The following SLC44A5 variants were observed in gnomAD, a reference collection of about 807,000 sequenced individuals.
The protein encoded by SLC44A5 is choline transporter-like protein 5.
A neutral mutation model predicts 101.8 loss-of-function variants in SLC44A5; 57 were observed. The ratio of observed to expected loss-of-function variants is 0.56; its 90% CI spans 0.45 to 0.70. The LOEUF (loss-of-function observed/expected upper bound fraction) is 0.70, where lower values mean the gene tolerates loss of function less well. Ranked by LOEUF, SLC44A5 falls within the 30% of genes least tolerant of loss-of-function variation. The pLI, the probability that SLC44A5 is intolerant of heterozygous loss-of-function variation, is 0.00. For synonymous variants in SLC44A5, 281 were observed against 290.9 expected, an observed-to-expected ratio of 0.97 and a Z score of 0.35; for missense variants, 737 against 853.1, an observed-to-expected ratio of 0.86 and a Z score of 1.70.
chr1:75,281,667 G>A (rs1306033123), intron 5 of SLC44A5, among the ~76,000 whole-genome samples: 1 of 113,398 alleles, frequency 8.8e-6, no homozygotes, highest in Non-Finnish European at 1.8e-5. Context: ...ATTTAGCCTA[G>A]GGACTTGGTG....
At chr1:75,398,483 T>C in intron 2 of SLC44A5, 1 of 687,674 alleles carries the variant, frequency 1.5e-6, no homozygotes, top group Non-Finnish European at 1.8e-6. Context: ...ACAGATGAAG[T>C]TAAATCCTCT....
intron 3 of SLC44A5, among the ~76,000 whole-genome samples, chr1:75,358,997 C>T (rs1178532258): frequency 1.3e-5 from 2 of 152,014 alleles, no homozygotes; most frequent in African/African-American, 2.4e-5. Context: ...CCTTCCCTCC[C>T]CTCCCCCTGC....
intron 2 of SLC44A5, among the ~76,000 whole-genome samples, chr1:75,442,967 C>T (rs771430768): frequency 5.9e-5 from 9 of 152,080 alleles, no homozygotes; most frequent in Non-Finnish European, 1.3e-4. Context: ...TTCTAAATAA[C>T]TCATGGGCCA....
At chr1:75,704,134 A>G in the SLC44A5 span, among the ~76,000 whole-genome samples, 1 of 152,202 alleles carries the variant, frequency 6.6e-6, no homozygotes, top group African/African-American at 2.4e-5. Flanking sequence ...TAAACCAAGT[A>G]TATCTCAAAA....
chr1:75,273,070 T>C (rs184705117), intron 6 of SLC44A5, among the ~76,000 whole-genome samples: 2 of 151,452 alleles, frequency 1.3e-5, no homozygotes, highest in African/African-American at 2.4e-5. Context: ...CAGTGTTTCG[T>C]AGTTTTCCTT....
At chr1:75,390,778 T>C (rs1318008253) in intron 3 of SLC44A5, among the ~76,000 whole-genome samples, 1 of 152,140 alleles carries the variant, frequency 6.6e-6, no homozygotes, top group Non-Finnish European at 1.5e-5. Flanking sequence ...CTTGAGGAAC[T>C]AGAACAAGAC....
intron 1 of SLC44A5, among the ~76,000 whole-genome samples, chr1:75,608,861 A>T (rs1675483405): frequency 6.6e-6 from 1 of 151,856 alleles, no homozygotes; most frequent in African/African-American, 2.4e-5. Context: ...TCATCCCATG[A>T]TTAGCAATCC....
chr1:75,606,616 C>T (rs1418430599), intron 1 of SLC44A5, among the ~76,000 whole-genome samples: 2 of 151,592 alleles, frequency 1.3e-5, no homozygotes, highest in Non-Finnish European at 2.9e-5. Flanking sequence ...CTTTAATTTT[C>T]CTCCTCTTCA....
At chr1:75,569,736 G>C (rs1188758452) in intron 1 of SLC44A5, among the ~76,000 whole-genome samples, 1 of 152,174 alleles carries the variant, frequency 6.6e-6, no homozygotes, top group Non-Finnish European at 1.5e-5. Flanking sequence ...GAAGTACTTA[G>C]TTGTCTGCTC....
intron 2 of SLC44A5, among the ~76,000 whole-genome samples, chr1:75,435,709 CAAACTT>C (rs1371616659): frequency 5.3e-5 from 8 of 152,238 alleles, no homozygotes; most frequent in Admixed American, 4.6e-4. Context: ...ACCCAAGACT[CAAACTT>C]AAGATTGTAA....
chr1:75,219,243 T>C lies in SLC44A5; in HGVS notation c.1266+14A>G. The C allele has an allele frequency of 6.4e-7, 1 of 1,560,744 alleles. No homozygotes were observed. Among genetic ancestry groups the C allele is most frequent in the Non-Finnish European group, 8.8e-7 (1 of 1,132,630 alleles). ...ATATTGAAGTAAGTAAATGAAAGAG[T>C]TTCTTGTACTTACCTCTGGGTCACA... On this transcript the variant is annotated intron_variant, in intron 16 of 23. Transcript: ENST00000370859.
At chr1:75,628,934 C>T in the SLC44A5 span, among the ~76,000 whole-genome samples, 2 of 152,112 alleles carry the variant, frequency 1.3e-5, no homozygotes, top group Non-Finnish European at 2.9e-5. Context: ...GGAAAAGTCC[C>T]ATCTCAACTA....
intron 2 of SLC44A5, among the ~76,000 whole-genome samples, chr1:75,516,222 T>A (rs1669821091): frequency 6.6e-6 from 1 of 152,112 alleles, no homozygotes; most frequent in African/African-American, 2.4e-5. Flanking sequence ...TTCCCATAGA[T>A]AATAAACACA....
At chr1:75,426,491 A>G (rs1455696821) in intron 2 of SLC44A5, among the ~76,000 whole-genome samples, 1 of 152,244 alleles carries the variant, frequency 6.6e-6, no homozygotes, top group African/African-American at 2.4e-5. Context: ...ACAATAGACA[A>G]GGAAACAAGG....
At chr1:75,556,134 T>C (rs1445572042) in intron 1 of SLC44A5, among the ~76,000 whole-genome samples, 2 of 152,076 alleles carry the variant, frequency 1.3e-5, no homozygotes, top group South Asian at 4.1e-4. Context: ...GGTGATGATA[T>C]AGTTATTATT....
rs17096790 is a variant in SLC44A5, at chr1:75,354,958, A to T, written c.53-15328T>A. The stretch of plus-strand genomic sequence containing the variant: ...ACTACCTTCTTCTACTTAGGTCAAC[A>T]TTAAAATTGAGAAATATTACTTCAT... On this transcript the variant is annotated intron_variant, in intron 3 of 23. Transcript: ENST00000370859. Among the ~76,000 whole-genome samples, 115 of 152,322 alleles carry T rather than the reference A, an allele frequency of 7.5e-4. 4 individuals are homozygous for T. In the East Asian group the frequency reaches 0.022, roughly 29 times the overall value.
intron 6 of SLC44A5, among the ~76,000 whole-genome samples, chr1:75,258,537 A>G (rs1650213203): frequency 6.6e-6 from 1 of 152,138 alleles, no homozygotes. Context: ...TCAGGGACTT[A>G]CAGATAAAAC....
chr1:75,537,026 AAAAAAAAATAT>A (rs1427818457), intron 2 of SLC44A5, among the ~76,000 whole-genome samples: 6 of 55,832 alleles, frequency 1.1e-4, no homozygotes, highest in African/African-American at 1.5e-4. Context: ...AAAAAAAAAA[AAAAAAAAATAT>A]ATATCTATGC....
the SLC44A5 span, among the ~76,000 whole-genome samples, chr1:75,644,175 T>A: frequency 2.0e-5 from 3 of 152,196 alleles, no homozygotes; most frequent in African/African-American, 7.2e-5. Flanking sequence ...AGGGAACTGG[T>A]AAAATTTTAC....
Sources: gnomAD v4.1 joint callset for allele counts (sites outside exome capture counted in the v4.1 genomes callset) on GRCh38, gnomAD v4.1.1 for gene constraint, MANE v1.5 for transcripts, NCBI Gene and HGNC (gene_info 2026-07-23, HGNC 2026-07-21) for gene names.